The following VPS13D variants were observed in gnomAD, a reference collection of about 807,000 sequenced individuals.
VPS13D encodes the protein vacuolar protein sorting 13 homolog D, also known as intermembrane lipid transfer protein VPS13D.
A neutral mutation model predicts 461.9 loss-of-function variants in VPS13D; 187 were observed. The observed-to-expected ratio is 0.40, with a 90% CI of 0.36 to 0.46. The LOEUF (loss-of-function observed/expected upper bound fraction) is 0.46, where lower values mean the gene tolerates loss of function less well. Ranked by LOEUF, VPS13D falls within the 20% of genes least tolerant of loss-of-function variation. The pLI, the probability that VPS13D is intolerant of heterozygous loss-of-function variation, is 0.60. For synonymous variants in VPS13D, 1,951 were observed against 1,986.3 expected (o/e 0.98, Z 0.47); for missense variants, 4,711 against 5,364.9 (o/e 0.88, Z 3.81).
rs950366197 is a variant in VPS13D, at chr1:12,310,295, A to G, written c.6651-1159A>G. 3.3e-5 allele frequency among the ~76,000 whole-genome samples: 5 copies of G among 152,268 alleles called. No individual in the cohort carries two copies. In the East Asian group the frequency reaches 9.7e-4, roughly 29 times the overall value. ...CGTCTCTGTTTTTCTTTGTTATTGCATCATTGTCTTTTAAAACTCTGTTGT... is the reference window on the plus strand; with the variant it reads ...CGTCTCTGTTTTTCTTTGTTATTGCGTCATTGTCTTTTAAAACTCTGTTGT... On this transcript the variant is annotated intron_variant, in intron 27 of 69. Transcript: ENST00000620676.
chr1:12,385,525 G>T, intron 59 of VPS13D, 152 bp downstream of exon 59: 1 of 630,094 alleles, frequency 1.6e-6, no homozygotes, highest in Middle Eastern at 3.9e-4. Context: ...CAGTGAATGT[G>T]TGAATGTATT....
At chr1:12,420,158 A>C (rs1388754727) in intron 65 of VPS13D, among the ~76,000 whole-genome samples, 2 of 152,226 alleles carry the variant, frequency 1.3e-5, no homozygotes, top group African/African-American at 2.4e-5. Flanking sequence ...TCTTATAGGA[A>C]ATGGTAGATC....
intron 67 of VPS13D, among the ~76,000 whole-genome samples, chr1:12,479,163 G>C (rs762622248): frequency 3.3e-5 from 5 of 152,246 alleles, no homozygotes; most frequent in Admixed American, 1.3e-4. Flanking sequence ...GGTTCTTACA[G>C]TGGGCACTGC....
At position 12,277,008 on chromosome 1, in the gene VPS13D, A is replaced by T; in HGVS notation, c.3420A>T (p.Gln1140His). 6.2e-7 allele frequency: 1 copy of T among 1,614,156 alleles called. No homozygotes were observed. The highest frequency in any genetic ancestry group is 1.1e-5 in the South Asian group (1 of 91,068). ...AGGAAAAAGATGATTTAAGTCCTCA[A>T]CCTTTAATGACTGATTTTGAAAGAA... ...FPKEKDDLSPQPLMTDFERSF... is the reference protein window; with the variant it reads ...FPKEKDDLSPHPLMTDFERSF... Residue 1140 changes from glutamine (Q) to histidine (H), a missense_variant, in exon 19 of 70, where the codon CAA (glutamine) becomes CAT (histidine). By Grantham distance (24) the Gln-to-His change is conservative. Transcript: ENST00000620676.
intron 1 of VPS13D, among the ~76,000 whole-genome samples, chr1:12,232,637 C>CTTTTTTTTTT (rs772757546): frequency 1.6e-3 from 113 of 70,982 alleles, no homozygotes; most frequent in Non-Finnish European, 2.2e-3. Context: ...TAAAATTAGT[C>CTTTTTTTTTT]TTTTTTTTTT....
At chr1:12,392,545 T>TAAAAAAAAA (rs139602760) in intron 60 of VPS13D, among the ~76,000 whole-genome samples, 1 of 129,298 alleles carries the variant, frequency 7.7e-6, no homozygotes, top group Admixed American at 7.7e-5. Flanking sequence ...GTATAAATGT[T>TAAAAAAAAA]AAAAAAAAAA....
chr1:12,273,248 T>G, intron 18 of VPS13D, 113 bp downstream of exon 18: 1 of 1,329,958 alleles, frequency 7.5e-7, no homozygotes, highest in Non-Finnish European at 1.0e-6. Context: ...ATATGTAACA[T>G]TTTTAAACTT....
chr1:12,357,684 C>T (rs1643898462), intron 49 of VPS13D, among the ~76,000 whole-genome samples: 1 of 152,202 alleles, frequency 6.6e-6, no homozygotes, highest in Non-Finnish European at 1.5e-5. Flanking sequence ...TGACAGGACA[C>T]TGGCCCACTA....
Position 12,311,590 on chromosome 1 carries a change from A to T in VPS13D, c.6787A>T (p.Met2263Leu). 1 of 1,614,218 alleles carries T rather than the reference A, an allele frequency of 6.2e-7. No individual in the cohort carries two copies. Among genetic ancestry groups the T allele is most frequent in the South Asian group, 1.1e-5 (1 of 91,086 alleles). Residue 2263 changes from methionine (M) to leucine (L), a missense_variant, in exon 28 of 70, where the codon ATG (methionine) becomes TTG (leucine). By Grantham distance (15) the Met-to-Leu change is conservative (BLOSUM62 2). This residue lies in a region of VPS13D where 4,411 missense variants were observed against 4,937.8 expected (regional missense o/e 0.89). Transcript: ENST00000620676. ...CCTGGGAGAACCCATAGAGGAATTT[A>T]TGCGGCCTTATGATTTACAAGATCC... The part of the protein sequence containing the change: ...NNLGEPIEEF[M>L]RPYDLQDPRI...
rs1382699930 is a variant in VPS13D, at chr1:12,509,688, T to A, written c.*664T>A. On this transcript the variant is annotated 3_prime_UTR_variant, in exon 70 of 70. Transcript: ENST00000620676. ...AGGGGCTTGGGAGCCCACTTTTAAT[T>A]TCTCACCCCCATTTTACAAAGAGTG... 1 of 152,192 alleles carries A rather than the reference T, an allele frequency of 6.6e-6. No individual in the cohort carries two copies. The highest frequency in any genetic ancestry group is 1.5e-5 in the Non-Finnish European group (1 of 68,032). 9.4% of individuals were successfully genotyped at this position (152,192 alleles called of 1,614,324 possible). A position where few individuals can be genotyped will look rare whatever the true frequency, so the allele number is the denominator to read the frequency against.
chr1:12,389,853 C>G (rs931836296), intron 60 of VPS13D, among the ~76,000 whole-genome samples: 2 of 152,206 alleles, frequency 1.3e-5, no homozygotes, highest in Non-Finnish European at 2.9e-5. Context: ...GCCTTAATCA[C>G]AGGGCATGGT....
In VPS13D at chr1:12,308,648, GTTTTT is replaced by G; in HGVS notation, c.6650+18_6650+22del. 1 of 1,453,962 alleles carries G rather than the reference GTTTTT, an allele frequency of 6.9e-7. No individual in the cohort carries two copies. The highest frequency in any genetic ancestry group is 9.5e-7 in the Non-Finnish European group (1 of 1,057,956). The allele number at this position is 1,453,962 out of a possible 1,614,324, so 90.1% of individuals were successfully genotyped here. Reference sequence around the variant, plus strand: ...TGGAAAGGAATTTGGACAAGTGAGTGTTTTTTTTTTTTTTTGAGATGGAGTCTCGC... The same window carrying G: ...TGGAAAGGAATTTGGACAAGTGAGTGTTTTTTTTTTGAGATGGAGTCTCGC... On this transcript the variant is annotated splice_region_variant and intron_variant, in intron 27 of 69. Transcript: ENST00000620676.
At chr1:12,493,292 C>G (rs1570279482) in intron 67 of VPS13D, among the ~76,000 whole-genome samples, 1 of 151,480 alleles carries the variant, frequency 6.6e-6, no homozygotes, top group East Asian at 1.9e-4. Flanking sequence ...ACCATCGTGG[C>G]TAACACGGTG....
intron 55 of VPS13D, among the ~76,000 whole-genome samples, chr1:12,375,232 A>G (rs1644182216): frequency 6.6e-6 from 1 of 152,098 alleles, no homozygotes; most frequent in South Asian, 2.1e-4. Flanking sequence ...CATCCCTTCT[A>G]TCAGAGAATG....
intron 65 of VPS13D, among the ~76,000 whole-genome samples, chr1:12,441,726 C>T (rs1425456379): frequency 6.6e-6 from 1 of 152,200 alleles, no homozygotes; most frequent in Non-Finnish European, 1.5e-5. Flanking sequence ...GATCTTTCTT[C>T]TTCAATCCAA....
At chr1:12,449,921 T>A (rs943237051) in intron 65 of VPS13D, among the ~76,000 whole-genome samples, 1 of 152,110 alleles carries the variant, frequency 6.6e-6, no homozygotes, top group Non-Finnish European at 1.5e-5. Context: ...AGCCAGGAGT[T>A]CAAGACCAAC....
At chr1:12,461,313 A>G (rs1645409930) in intron 67 of VPS13D, among the ~76,000 whole-genome samples, 2 of 152,138 alleles carry the variant, frequency 1.3e-5, no homozygotes, top group African/African-American at 4.8e-5. Context: ...GTGAAGTGAA[A>G]TTGTCCCCAA....
At chr1:12,343,094 A>T (rs1258621088) in intron 42 of VPS13D, 43 bp downstream of exon 42, 8 of 1,550,744 alleles carry the variant, frequency 5.2e-6, no homozygotes, top group African/African-American at 1.3e-5. Context: ...AAGAAAGTGG[A>T]TGTAAGTGAG....
At chr1:12,459,171 A>G (rs146453072) in intron 66 of VPS13D, among the ~76,000 whole-genome samples, 30 of 152,312 alleles carry the variant, frequency 2.0e-4, no homozygotes, top group African/African-American at 6.0e-4. Flanking sequence ...TTTGGGGGGA[A>G]AAAAGATTTC....
Sources: gnomAD v4.1 joint callset for allele counts (sites outside exome capture counted in the v4.1 genomes callset) on GRCh38, gnomAD v4.1.1 for gene constraint, gnomAD v4.1.1 regional missense constraint, MANE v1.5 for transcripts, NCBI Gene and HGNC (gene_info 2026-07-23, HGNC 2026-07-21) for gene names.